Variants in GLB1L2 observed in about 807,000 individuals in gnomAD.
GLB1L2 encodes beta-galactosidase-1-like protein 2.
GLB1L2 carries 68 observed loss-of-function variants against 84.1 expected under a neutral mutation model. The ratio of observed to expected loss-of-function variants is 0.81; its 90% CI spans 0.67 to 0.99. The LOEUF is 0.99. GLB1L2 is among the 50% of genes least tolerant of loss of function. The pLI is 0.00. For missense variants in GLB1L2, 762 were observed against 805.6 expected, an observed-to-expected ratio of 0.95 and a Z score of 0.66; for synonymous variants, 290 against 318.0, an observed-to-expected ratio of 0.91 and a Z score of 0.94.
rs78456660 is a variant in GLB1L2, at chr11:134,349,006, T to C, written c.558+1573T>C. On this transcript the variant is annotated intron_variant, in intron 5 of 18. Coordinates refer to ENST00000535456, the MANE Select transcript of GLB1L2 (RefSeq NM_001370461.1). ...AATACCGTCACAGTGGGGGTTAGGA[T>C]TTCAACATGTAAATTTTGGGAGAAC... Among the ~76,000 whole-genome samples the C allele has an allele frequency of 8.9e-4, 136 of 152,288 alleles. 4 individuals carry two copies. The East Asian group carries it at 0.024, about 26-fold the overall frequency.
At position 134,368,826 on chromosome 11, in the gene GLB1L2, G is replaced by A; in HGVS notation, c.1027+45G>A. On this transcript the variant is annotated intron_variant, in intron 10 of 18. Transcript: ENST00000535456. Reference sequence around the variant, plus strand: ...GCTCTCCCTGGTCTGCCCTGCATGGGCATGGCTGGGACTTGCTATGGAGAG... The same window carrying A: ...GCTCTCCCTGGTCTGCCCTGCATGGACATGGCTGGGACTTGCTATGGAGAG... 3.1e-6 allele frequency: 5 copies of A among 1,604,244 alleles called. 1 individual carries two copies. The highest frequency in any genetic ancestry group is 2.2e-5 in the South Asian group (2 of 90,164).
chr11:134,356,642 C>T (rs1212743358), intron 6 of GLB1L2, among the ~76,000 whole-genome samples: 2 of 152,138 alleles, frequency 1.3e-5, no homozygotes, highest in African/African-American at 2.4e-5. Context: ...GGCTTAATTG[C>T]GTGGTGATGA....
At position 134,344,412 on chromosome 11, in the gene GLB1L2, C is replaced by A; in HGVS notation, c.310C>A (p.Pro104Thr). The change falls in exon 3 of 19, where the codon CCA (proline) becomes ACA (threonine). Residue 104 changes from proline to threonine, a missense_variant. Pro to Thr is a conservative substitution (Grantham distance 38, BLOSUM62 -1). Around this residue, in one of 3 missense-constraint regions of GLB1L2, gnomAD observed 59 missense variants for 105.1 expected, o/e 0.56. Transcript: ENST00000535456. The part of the protein sequence containing the change: ...TTYVPWNLHE[P>T]ERGKFDFSGN... ...CTATGTTCCGTGGAACCTGCATGAG[C>A]CAGAAAGAGGCAAATTTGACTTCTC... The A allele has an allele frequency of 6.2e-7, 1 of 1,613,432 alleles. No homozygotes were observed. The highest frequency in any genetic ancestry group is 8.5e-7 in the Non-Finnish European group (1 of 1,180,024).
At chr11:134,368,553 G>A in intron 9 of GLB1L2, 91 bp from the exon 10 acceptor site, 1 of 1,378,136 alleles carries the variant, frequency 7.3e-7, no homozygotes, top group Non-Finnish European at 1.0e-6. Context: ...GTTTTGAGGT[G>A]GGACTGGGAA....
At chr11:134,332,233 A>C (rs1453870132) in intron 1 of GLB1L2, 86 bp downstream of exon 1, 1 of 938,324 alleles carries the variant, frequency 1.1e-6, no homozygotes, top group African/African-American at 1.7e-5. Context: ...GCGACCCGCG[A>C]ATCCCGAGTT....
intron 1 of GLB1L2, among the ~76,000 whole-genome samples, chr11:134,335,359 G>T (rs1429116961): frequency 1.3e-5 from 2 of 151,878 alleles, no homozygotes; most frequent in South Asian, 2.1e-4. Context: ...ACTCTTCTCT[G>T]CTTGAGGCCT....
chr11:134,344,977 C>T (rs1208773785), intron 3 of GLB1L2, 57 bp from the exon 4 acceptor site: 2 of 1,568,044 alleles, frequency 1.3e-6, no homozygotes, highest in South Asian at 1.2e-5. Flanking sequence ...CGCGTGGCCC[C>T]CACCCGGCCT....
chr11:134,371,024 A>T lies in GLB1L2; in HGVS notation c.1232A>T (p.Lys411Met). Residue 411 changes from lysine to methionine, a missense_variant, in exon 13 of 19, where the codon AAG becomes ATG. Physicochemically the swap from Lys to Met is moderately conservative, Grantham distance 95. Around this residue, in one of 3 missense-constraint regions of GLB1L2, gnomAD observed 603 missense variants for 611.7 expected, o/e 0.99. Transcript: ENST00000535456. The part of the protein sequence containing the change: ...KYLGEPIKSE[K>M]PINMENLPVN... ...TGTACGCAGCCAATCAAGTCTGAAA[A>T]GCCCATCAACATGGAGAACCTGCCA... 1 of 1,614,152 alleles carries T rather than the reference A, an allele frequency of 6.2e-7. No homozygotes were observed. The highest frequency in any genetic ancestry group is 8.5e-7 in the Non-Finnish European group (1 of 1,180,026).
At chr11:134,360,190 G>A (rs1455337979) in intron 7 of GLB1L2, 1 of 152,350 alleles carries the variant, frequency 6.6e-6, no homozygotes, top group Non-Finnish European at 1.5e-5. Context: ...TCCTGCACCC[G>A]TGCTTGTGTC....
chr11:134,350,526 G>A (rs1434875517), intron 5 of GLB1L2, among the ~76,000 whole-genome samples: 2 of 152,224 alleles, frequency 1.3e-5, no homozygotes. Context: ...GGTGGTGTAA[G>A]GCTGTCTCTC....
intron 7 of GLB1L2, among the ~76,000 whole-genome samples, 178 bp from the exon 8 acceptor site, chr11:134,364,150 G>A (rs1263827922): frequency 6.6e-6 from 1 of 152,164 alleles, no homozygotes. Flanking sequence ...CAAAGTGTTG[G>A]GGTTACAGGT....
intron 8 of GLB1L2, 45 bp from the exon 9 acceptor site, chr11:134,367,212 T>G: frequency 6.5e-7 from 1 of 1,533,194 alleles, no homozygotes; most frequent in South Asian, 1.1e-5. Context: ...CCCTCTTTTT[T>G]GTCTGGCCAG....
intron 14 of GLB1L2, 120 bp from the exon 15 acceptor site, chr11:134,371,632 G>A (rs1015615125): frequency 3.5e-5 from 40 of 1,131,340 alleles, no homozygotes; most frequent in Non-Finnish European, 5.2e-5. Context: ...GTGGCTTTCT[G>A]CCCAGCTGGG....
intron 4 of GLB1L2, chr11:134,346,538 T>C (rs1436956622): frequency 6.6e-6 from 1 of 152,348 alleles, no homozygotes; most frequent in Non-Finnish European, 1.5e-5. Context: ...GGGGTTAGAA[T>C]GTGGGGGTGT....
chr11:134,375,122 G>A lies in GLB1L2; in HGVS notation c.*64G>A. 1 of 1,339,410 alleles carries A rather than the reference G, an allele frequency of 7.5e-7. No homozygotes were observed. Among genetic ancestry groups the A allele is most frequent in the Non-Finnish European group, 1.1e-6 (1 of 947,860 alleles). The allele number at this position is 1,339,410 out of a possible 1,614,324, so 83.0% of individuals were successfully genotyped here. On this transcript the variant is annotated 3_prime_UTR_variant, in exon 19 of 19. Coordinates refer to ENST00000535456, the MANE Select transcript of GLB1L2 (RefSeq NM_001370461.1). The stretch of plus-strand genomic sequence containing the variant: ...GCCGCCTCCTCTTGACCTGAAGCCT[G>A]GTGGCTGCTGCCCCACCCCTCACTG...
At position 134,371,140 on chromosome 11, in the gene GLB1L2, C is replaced by T. The variant is rs775534976; in HGVS notation, c.1348C>T (p.Arg450Trp). ...CATCCTCAGTGGCCACGTGCATGATCGGGGGCAGGTAGGAGCTTCTCTTCT... is the reference window on the plus strand; with the variant it reads ...CATCCTCAGTGGCCACGTGCATGATTGGGGGCAGGTAGGAGCTTCTCTTCT... ...SGILSGHVHDRGQVFVNTVSI... is the reference protein window; with the variant it reads ...SGILSGHVHDWGQVFVNTVSI... The change falls in exon 13 of 19, where the codon CGG becomes TGG. Residue 450 changes from arginine (R) to tryptophan (W), a missense_variant. Physicochemically the swap from Arg to Trp is moderately radical, Grantham distance 101. Transcript: ENST00000535456. 21 of 1,614,048 alleles carry T rather than the reference C, an allele frequency of 1.3e-5. No homozygotes were observed. The highest frequency in any genetic ancestry group is 2.7e-5 in the African/African-American group (2 of 74,944).
At chr11:134,368,934 C>T (rs1943903057) in intron 10 of GLB1L2, among the ~76,000 whole-genome samples, 153 bp downstream of exon 10, 1 of 152,198 alleles carries the variant, frequency 6.6e-6, no homozygotes, top group South Asian at 2.1e-4. Flanking sequence ...AGTCATGTTA[C>T]ACTCCCAGAG....
In GLB1L2 at chr11:134,368,724, G is replaced by C; in HGVS notation, c.970G>C (p.Gly324Arg). Residue 324 changes from glycine to arginine, a missense_variant, in exon 10 of 19, where the codon GGC becomes CGC. Around this residue, in one of 3 missense-constraint regions of GLB1L2, gnomAD observed 603 missense variants for 611.7 expected, o/e 0.99. Transcript: ENST00000535456. The part of the protein sequence containing the change: ...LYMFHGGTNF[G>R]FMNGAMHFHD... The stretch of plus-strand genomic sequence containing the variant: ...CATGTTCCACGGAGGCACCAACTTT[G>C]GCTTCATGAATGGAGCCATGCACTT... 6.2e-7 allele frequency: 1 copy of C among 1,614,006 alleles called. No homozygotes were observed.
At chr11:134,373,834 T>C in intron 16 of GLB1L2, 26 bp downstream of exon 16, 1 of 1,487,394 alleles carries the variant, frequency 6.7e-7, no homozygotes, top group Non-Finnish European at 9.4e-7. Context: ...GCACCAGCCC[T>C]TGCACTCACA....
Sources: allele counts gnomAD v4.1 joint callset (sites outside exome capture counted in the v4.1 genomes callset), GRCh38; gene constraint gnomAD v4.1.1; regional missense constraint gnomAD v4.1.1; transcripts MANE v1.5; gene names NCBI Gene and HGNC (gene_info 2026-07-23, HGNC 2026-07-21).